FAT3: variants seen among roughly 807,000 people sequenced by gnomAD.
FAT3 encodes FAT atypical cadherin 3.
Under a neutral mutation model 310.2 loss-of-function variants are expected in FAT3, and 95 were observed. The observed-to-expected ratio is 0.31, with a 90% CI of 0.26 to 0.36. FAT3 has a LOEUF of 0.36. Among genes scored for constraint, FAT3 ranks in the 10% least tolerant of loss-of-function variants. FAT3 has a pLI of 1.00. For synonymous variants in FAT3, 2,314 were observed against 2,192.9 expected, an observed-to-expected ratio of 1.06 and a Z score of -1.54; for missense variants, 5,408 against 5,715.6, an observed-to-expected ratio of 0.95 and a Z score of 1.74.
intron 3 of FAT3, among the ~76,000 whole-genome samples, chr11:92,655,075 C>T (rs1332563444): frequency 2.0e-5 from 3 of 152,174 alleles, no homozygotes; most frequent in African/African-American, 2.4e-5. Context: ...GTTCATATAA[C>T]ACCTCCTCAG....
chr11:92,583,052 A>T (rs2135537400), intron 3 of FAT3, among the ~76,000 whole-genome samples: 1 of 151,526 alleles, frequency 6.6e-6, no homozygotes, highest in South Asian at 2.1e-4. Flanking sequence ...CTATTATAGT[A>T]AAATTAAATT....
intron 23 of FAT3, among the ~76,000 whole-genome samples, chr11:92,881,885 T>A (rs915404428): frequency 1.3e-5 from 2 of 152,182 alleles, no homozygotes; most frequent in Non-Finnish European, 2.9e-5. Flanking sequence ...TTCCTGAAAA[T>A]CTACATGAGT....
At chr11:92,285,816 A>G (rs533653829) in intron 1 of FAT3, among the ~76,000 whole-genome samples, 3 of 152,250 alleles carry the variant, frequency 2.0e-5, no homozygotes, top group South Asian at 4.1e-4. Flanking sequence ...ATCTGTCTAT[A>G]TGTGTTGAAT....
At chr11:92,618,024 G>A (rs189412881) in intron 3 of FAT3, among the ~76,000 whole-genome samples, 42 of 152,296 alleles carry the variant, frequency 2.8e-4, no homozygotes, top group African/African-American at 6.7e-4. Context: ...AGACAAGGAC[G>A]TTTAAGTCTG....
intron 3 of FAT3, among the ~76,000 whole-genome samples, chr11:92,677,456 AC>A (rs1261640899): frequency 6.6e-6 from 1 of 152,150 alleles, no homozygotes; most frequent in Non-Finnish European, 1.5e-5. Context: ...CTTCACACTG[AC>A]CTCTTTTGTC....
At chr11:92,295,886 T>A (rs569431167) in intron 1 of FAT3, among the ~76,000 whole-genome samples, 1 of 152,240 alleles carries the variant, frequency 6.6e-6, no homozygotes, top group Non-Finnish European at 1.5e-5. Context: ...ACTTCCAGGA[T>A]GGGACCCAGA....
At chr11:92,227,377 A>C (rs1863965430) in intron 1 of FAT3, among the ~76,000 whole-genome samples, 2 of 152,138 alleles carry the variant, frequency 1.3e-5, no homozygotes, top group African/African-American at 4.8e-5. Flanking sequence ...TGCCCAGGCT[A>C]AGTTAAAATA....
chr11:92,311,170 G>A (rs571261073), intron 1 of FAT3, among the ~76,000 whole-genome samples: 58 of 151,660 alleles, frequency 3.8e-4, no homozygotes, highest in Admixed American at 1.8e-3. Flanking sequence ...GTTATCTCTC[G>A]GAAAAATGTA....
At chr11:92,809,562 G>T (rs770931213) in intron 12 of FAT3, among the ~76,000 whole-genome samples, 3 of 152,156 alleles carry the variant, frequency 2.0e-5, no homozygotes, top group Non-Finnish European at 2.9e-5. Flanking sequence ...AAGCTTCTCC[G>T]TGTAGCCAAA....
At chr11:92,834,367 A>T (rs1442948498) in intron 14 of FAT3, among the ~76,000 whole-genome samples, 1 of 152,148 alleles carries the variant, frequency 6.6e-6, no homozygotes, top group Non-Finnish European at 1.5e-5. Context: ...TTGTGCCACA[A>T]TTGTTTTAGA....
At chr11:92,647,171 T>C (rs1387566538) in intron 3 of FAT3, among the ~76,000 whole-genome samples, 1 of 152,176 alleles carries the variant, frequency 6.6e-6, no homozygotes, top group Non-Finnish European at 1.5e-5. Flanking sequence ...TTCGTTTTGC[T>C]CTTTTGTAGC....
chr11:92,480,761 C>T (rs564926391), intron 2 of FAT3, among the ~76,000 whole-genome samples: 67 of 152,114 alleles, frequency 4.4e-4, no homozygotes, highest in African/African-American at 1.6e-3. Context: ...GGGAGTTGTC[C>T]AGTTGCTGAT....
intron 13 of FAT3, among the ~76,000 whole-genome samples, chr11:92,812,461 A>T (rs926865687): frequency 1.3e-5 from 2 of 152,084 alleles, no homozygotes; most frequent in Admixed American, 1.3e-4. Context: ...CTACGCCTGT[A>T]GTCCCAGCTA....
chr11:92,506,008 A>G (rs1415713005), intron 2 of FAT3, among the ~76,000 whole-genome samples: 1 of 151,904 alleles, frequency 6.6e-6, no homozygotes, highest in Non-Finnish European at 1.5e-5. Context: ...AATGACATCT[A>G]CTCCTCAGAA....
At chr11:92,264,121 T>G (rs771868075) in intron 1 of FAT3, among the ~76,000 whole-genome samples, 2 of 152,170 alleles carry the variant, frequency 1.3e-5, no homozygotes, top group Non-Finnish European at 2.9e-5. Flanking sequence ...TCTTCTACTT[T>G]GTGCATTCAA....
chr11:92,510,628 A>G (rs1239881274), intron 2 of FAT3, among the ~76,000 whole-genome samples: 1 of 152,248 alleles, frequency 6.6e-6, no homozygotes, highest in Non-Finnish European at 1.5e-5. Flanking sequence ...CTGAACCTAC[A>G]GAACATCATG....
chr11:92,259,955 T>C (rs914505627), intron 1 of FAT3, among the ~76,000 whole-genome samples: 1 of 152,112 alleles, frequency 6.6e-6, no homozygotes, highest in South Asian at 2.1e-4. Flanking sequence ...GAGTTTGCCC[T>C]CAAGTCTTTC....
chr11:92,389,409 T>C (rs1407325820), intron 2 of FAT3, among the ~76,000 whole-genome samples: 1 of 152,212 alleles, frequency 6.6e-6, no homozygotes, highest in Non-Finnish European at 1.5e-5. Context: ...ACACCTTGAC[T>C]TGATGTTTAC....
At chr11:92,613,784 AGT>A (rs2135635167) in intron 3 of FAT3, among the ~76,000 whole-genome samples, 1 of 152,294 alleles carries the variant, frequency 6.6e-6, no homozygotes, top group Admixed American at 6.5e-5. Flanking sequence ...TGCCTTTTAA[AGT>A]GTACAGTTCA....
Sources: allele counts gnomAD v4.1 joint callset (sites outside exome capture counted in the v4.1 genomes callset), GRCh38; gene constraint gnomAD v4.1.1; transcripts MANE v1.5; gene names NCBI Gene and HGNC (gene_info 2026-07-23, HGNC 2026-07-21).